Variants in LRRFIP2 observed in about 807,000 individuals in gnomAD.
LRRFIP2 encodes leucine-rich repeat flightless-interacting protein 2.
In LRRFIP2, 109 loss-of-function variants were observed where a neutral mutation model predicts 125.9. The ratio of observed to expected loss-of-function variants is 0.87; its 90% confidence interval spans 0.74 to 1.01. LRRFIP2 has a LOEUF of 1.01. Ranked by LOEUF, LRRFIP2 falls within the 50% of genes least tolerant of loss-of-function variation. LRRFIP2 has a pLI of 0.00. For missense variants in LRRFIP2, 850 were observed against 862.3 expected (o/e 0.99, Z 0.18); for synonymous variants, 291 against 293.1 (o/e 0.99, Z 0.07).
chr3:37,067,676 T>C (rs1230850779), intron 21 of LRRFIP2: 1 of 152,248 alleles, frequency 6.6e-6, no homozygotes, highest in African/African-American at 2.4e-5. Context: ...GCACAAATTA[T>C]ATGGCAGGCA....
chr3:37,161,535 T>C (rs1325330873), intron 1 of LRRFIP2, among the ~76,000 whole-genome samples: 1 of 152,090 alleles, frequency 6.6e-6, no homozygotes, highest in African/African-American at 2.4e-5. Context: ...AACAGACTAG[T>C]GCTTTCCACA....
At chr3:37,162,652 T>C (rs1359669606) in intron 1 of LRRFIP2, among the ~76,000 whole-genome samples, 1 of 152,132 alleles carries the variant, frequency 6.6e-6, no homozygotes, top group African/African-American at 2.4e-5. Context: ...AGAGGGAAAC[T>C]TAGCATACAG....
At chr3:37,162,890 T>A (rs2096384559) in intron 1 of LRRFIP2, among the ~76,000 whole-genome samples, 1 of 152,206 alleles carries the variant, frequency 6.6e-6, no homozygotes, top group Non-Finnish European at 1.5e-5. Flanking sequence ...TTGATAAAGT[T>A]CCTGGAGCCT....
At chr3:37,102,746 C>T (rs1202247790) in intron 15 of LRRFIP2, among the ~76,000 whole-genome samples, 178 bp downstream of exon 15, 1 of 152,188 alleles carries the variant, frequency 6.6e-6, no homozygotes, top group South Asian at 2.1e-4. Context: ...AGGTGATCTG[C>T]CTGTTCTGGT....
chr3:37,069,765 T>C (rs1420871599), intron 21 of LRRFIP2, among the ~76,000 whole-genome samples: 1 of 152,222 alleles, frequency 6.6e-6, no homozygotes, highest in East Asian at 1.9e-4. Flanking sequence ...CAACTCGTGA[T>C]TCAATAACTT....
At chr3:37,160,218 C>T (rs1189843620) in intron 1 of LRRFIP2, among the ~76,000 whole-genome samples, 1 of 151,832 alleles carries the variant, frequency 6.6e-6, no homozygotes, top group African/African-American at 2.4e-5. Context: ...TGAAAGTATG[C>T]ATTTTGAAAT....
At chr3:37,074,142 A>G (rs2091693967) in intron 20 of LRRFIP2, among the ~76,000 whole-genome samples, 1 of 152,244 alleles carries the variant, frequency 6.6e-6, no homozygotes. Context: ...TTTAAAAATC[A>G]TTTGTAGAGA....
intron 2 of LRRFIP2, among the ~76,000 whole-genome samples, chr3:37,139,923 C>T (rs974380048): frequency 3.9e-5 from 6 of 152,168 alleles, no homozygotes; most frequent in African/African-American, 1.4e-4. Context: ...GGCTTCTGCT[C>T]ATATCACCTT....
intron 24 of LRRFIP2, among the ~76,000 whole-genome samples, chr3:37,059,796 A>AT (rs199843613): frequency 0.29 from 42,101 of 147,312 alleles, 7,588 homozygotes; most frequent in Non-Finnish European, 0.42. Flanking sequence ...AAAAAAAAAA[A>AT]AAATAATAAT....
At chr3:37,059,797 A>AATAATAAT (rs1553684242) in intron 24 of LRRFIP2, among the ~76,000 whole-genome samples, 6 of 145,146 alleles carry the variant, frequency 4.1e-5, no homozygotes, top group African/African-American at 1.5e-4. Flanking sequence ...AAAAAAAAAA[A>AATAATAAT]AATAATAATA....
At chr3:37,128,878 G>T (rs932645013) in intron 3 of LRRFIP2, among the ~76,000 whole-genome samples, 185 bp downstream of exon 3, 4 of 152,164 alleles carry the variant, frequency 2.6e-5, no homozygotes, top group African/African-American at 9.7e-5. Flanking sequence ...AAATGTGTTT[G>T]TTGTTACTAC....
intron 1 of LRRFIP2, among the ~76,000 whole-genome samples, chr3:37,150,189 G>A (rs2095980502): frequency 6.6e-6 from 1 of 151,784 alleles, no homozygotes; most frequent in Admixed American, 6.6e-5. Context: ...ATCGCCAGGC[G>A]CGGTGGCTCA....
chr3:37,173,282 C>G (rs567781948), intron 1 of LRRFIP2, among the ~76,000 whole-genome samples: 11 of 151,976 alleles, frequency 7.2e-5, no homozygotes, highest in African/African-American at 2.7e-4. Context: ...GTGGTGTTTT[C>G]AGGGCTCACT....
intron 27 of LRRFIP2, 140 bp downstream of exon 27, chr3:37,054,271 T>C: frequency 4.4e-6 from 3 of 678,128 alleles, no homozygotes; most frequent in Non-Finnish European, 7.5e-6. Context: ...ACTATGCAGG[T>C]CAAAAACCAA....
At chr3:37,115,377 T>C (rs2094732904) in intron 6 of LRRFIP2, among the ~76,000 whole-genome samples, 1 of 152,216 alleles carries the variant, frequency 6.6e-6, no homozygotes, top group African/African-American at 2.4e-5. Context: ...TCAATCTCAG[T>C]ACACTATAGC....
intron 20 of LRRFIP2, among the ~76,000 whole-genome samples, chr3:37,074,284 T>C (rs1317029059): frequency 6.6e-6 from 1 of 152,200 alleles, no homozygotes; most frequent in East Asian, 1.9e-4. Flanking sequence ...TAACAATCTA[T>C]GCTTCCTGAC....
chr3:37,108,749 G>T, intron 11 of LRRFIP2, 65 bp from the exon 12 acceptor site: 1 of 1,357,334 alleles, frequency 7.4e-7, no homozygotes, highest in South Asian at 1.2e-5. Context: ...ATGACTTAAT[G>T]TTTTCACAAT....
rs58005486 is a variant in LRRFIP2, at chr3:37,159,989, CAAAAAAA to C, written c.-55-10958_-55-10952del. On this transcript the variant is annotated intron_variant, in intron 1 of 27. Transcript: ENST00000336686. ...GAGCCCAATGAGTAAGCCCTATGCG[CAAAAAAA>C]AAAAAAAAAAAAAAAAAAAAAAAAT... Among the ~76,000 whole-genome samples the C allele has an allele frequency of 1.1e-3, 51 of 46,950 alleles. No individual in the cohort carries two copies. The South Asian group carries it at 0.021, about 19-fold the overall frequency. The allele number at this position is 46,950 out of a possible 152,430, so 30.8% of individuals were successfully genotyped here.
At chr3:37,079,365 T>C (rs1450117789) in intron 19 of LRRFIP2, among the ~76,000 whole-genome samples, 1 of 152,184 alleles carries the variant, frequency 6.6e-6, no homozygotes, top group African/African-American at 2.4e-5. Flanking sequence ...CGGAAAACAG[T>C]CTGGCACTGT....
Sources: gnomAD v4.1 joint callset for allele counts (sites outside exome capture counted in the v4.1 genomes callset) on GRCh38, gnomAD v4.1.1 for gene constraint, MANE v1.5 for transcripts, NCBI Gene and HGNC (gene_info 2026-07-23, HGNC 2026-07-21) for gene names.